Variants in CA10 observed in about 807,000 individuals in gnomAD.
The protein encoded by CA10 is carbonic anhydrase-related protein 10.
In CA10, 14 loss-of-function variants were observed where a neutral mutation model predicts 44.2. The ratio of observed to expected loss-of-function variants is 0.32; its 90% CI spans 0.21 to 0.50. The LOEUF (loss-of-function observed/expected upper bound fraction) is 0.50, where lower values mean the gene tolerates loss of function less well. CA10 is among the 20% of genes least tolerant of loss of function. CA10 has a pLI of 0.99. For synonymous variants in CA10, 159 were observed against 141.6 expected, an observed-to-expected ratio of 1.12 and a Z score of -0.87; for missense variants, 350 against 409.7, an observed-to-expected ratio of 0.85 and a Z score of 1.26.
chr17:51,904,085 C>A (rs1302601562), intron 3 of CA10, among the ~76,000 whole-genome samples: 8 of 151,560 alleles, frequency 5.3e-5, no homozygotes, highest in Non-Finnish European at 1.2e-4. Context: ...GTGACCAACC[C>A]ACCCTGTTTG....
intron 2 of CA10, among the ~76,000 whole-genome samples, chr17:52,056,041 G>C (rs1366345779): frequency 6.6e-6 from 1 of 152,064 alleles, no homozygotes; most frequent in East Asian, 1.9e-4. Context: ...ACATAAAGCA[G>C]GTGACCACTG....
Position 51,921,537 on chromosome 17 carries a change from T to C in CA10, c.279+9453A>G, listed in dbSNP as rs1378706024. Reference sequence around the variant, plus strand: ...AAAACATTTTGATTTTTCATTACTTTCTTCCTCTTCTTCTGTACTTTACTG... The same window carrying C: ...AAAACATTTTGATTTTTCATTACTTCCTTCCTCTTCTTCTGTACTTTACTG... On this transcript the variant is annotated intron_variant, in intron 3 of 8. Coordinates refer to ENST00000451037, the MANE Select transcript of CA10 (RefSeq NM_020178.5). Among the ~76,000 whole-genome samples the C allele has an allele frequency of 6.6e-5, 10 of 152,340 alleles. No homozygotes were observed. The East Asian group carries it at 1.7e-3, about 26-fold the overall frequency.
At chr17:51,656,153 C>T (rs1381869923) in intron 4 of CA10, among the ~76,000 whole-genome samples, 4 of 152,216 alleles carry the variant, frequency 2.6e-5, no homozygotes, top group Admixed American at 2.0e-4. Context: ...AGGTGACCAA[C>T]AAAACTGCCA....
At chr17:52,105,489 TC>T (rs1380478388) in intron 1 of CA10, among the ~76,000 whole-genome samples, 3 of 152,164 alleles carry the variant, frequency 2.0e-5, no homozygotes, top group African/African-American at 7.2e-5. Flanking sequence ...TCTCCTGACC[TC>T]GTGATCTGCC....
chr17:51,699,697 G>A (rs893054203), intron 4 of CA10, among the ~76,000 whole-genome samples: 6 of 152,178 alleles, frequency 3.9e-5, no homozygotes, highest in Admixed American at 3.3e-4. Flanking sequence ...TGCATGTCCC[G>A]ACAGATGGCC....
At chr17:51,876,046 G>C (rs547734715) in intron 3 of CA10, among the ~76,000 whole-genome samples, 2 of 151,016 alleles carry the variant, frequency 1.3e-5, no homozygotes, top group South Asian at 4.2e-4. Context: ...TGGTTTATCT[G>C]TTTAACTATG....
intron 2 of CA10, among the ~76,000 whole-genome samples, chr17:51,978,741 G>A (rs1202784290): frequency 6.6e-6 from 1 of 151,920 alleles, no homozygotes; most frequent in African/African-American, 2.4e-5. Context: ...GCAATGTAAA[G>A]CTATTTGTTG....
In CA10 at chr17:51,906,589, C is replaced by T. The variant is rs1166991173; in HGVS notation, c.279+24401G>A. Among the ~76,000 whole-genome samples, 3 of 152,214 alleles carry T rather than the reference C, an allele frequency of 2.0e-5. No individual in the cohort carries two copies. The East Asian group carries it at 5.8e-4, about 29-fold the overall frequency. ...CATGGCTTTAAATATTTGTTATATG[C>T]CATGGACCAACAAATTTATATCTTC... is the stretch of plus-strand genomic sequence containing the variant. On this transcript the variant is annotated intron_variant, in intron 3 of 8. Transcript: ENST00000451037.
intron 4 of CA10, among the ~76,000 whole-genome samples, chr17:51,681,701 G>A (rs1025622918): frequency 2.6e-5 from 4 of 152,184 alleles, no homozygotes; most frequent in African/African-American, 7.2e-5. Context: ...TTATACAAAT[G>A]TAAGGGGTAC....
intron 1 of CA10, among the ~76,000 whole-genome samples, chr17:52,124,622 T>A (rs1299021777): frequency 6.6e-6 from 1 of 152,252 alleles, no homozygotes; most frequent in Non-Finnish European, 1.5e-5. Context: ...CCTGCTTTTT[T>A]CTCCATGACT....
chr17:51,841,889 A>G (rs1382666400), intron 3 of CA10, among the ~76,000 whole-genome samples: 1 of 152,202 alleles, frequency 6.6e-6, no homozygotes, highest in African/African-American at 2.4e-5. Flanking sequence ...CAGCAGTTCC[A>G]TGCATCATAT....
At chr17:51,684,244 A>G (rs1261928545) in intron 4 of CA10, among the ~76,000 whole-genome samples, 1 of 152,210 alleles carries the variant, frequency 6.6e-6, no homozygotes, top group African/African-American at 2.4e-5. Context: ...ATTCTGCCCT[A>G]CAGCCTCCAG....
At chr17:52,069,034 G>A (rs538375506) in intron 2 of CA10, among the ~76,000 whole-genome samples, 15 of 152,230 alleles carry the variant, frequency 9.9e-5, no homozygotes, top group African/African-American at 3.4e-4. Flanking sequence ...GGCTTCTGGA[G>A]GCAGAACTCC....
intron 3 of CA10, among the ~76,000 whole-genome samples, chr17:51,852,278 G>A (rs1978830973): frequency 1.3e-5 from 2 of 152,210 alleles, no homozygotes; most frequent in African/African-American, 4.8e-5. Context: ...GCTGCACCGA[G>A]TCAGAGGCGA....
rs570175677 is a variant in CA10, at chr17:51,889,963, A to G, written c.279+41027T>C. On this transcript the variant is annotated intron_variant, in intron 3 of 8. Coordinates refer to ENST00000451037, the MANE Select transcript of CA10 (RefSeq NM_020178.5). ...AGTTGGTGTCTCCCAGTTTGCAAGC[A>G]GTCCTGGGGAAGTAGGTTGGCACCG... is the stretch of plus-strand genomic sequence containing the variant. 1.4e-4 allele frequency among the ~76,000 whole-genome samples: 22 copies of G among 152,326 alleles called. No homozygotes were observed. The South Asian group carries it at 3.7e-3, about 26-fold the overall frequency.
chr17:52,092,952 C>T (rs910087612), intron 1 of CA10, among the ~76,000 whole-genome samples: 11 of 152,058 alleles, frequency 7.2e-5, no homozygotes, highest in Non-Finnish European at 2.9e-5. Flanking sequence ...TTCTTAGAAA[C>T]TGGAACTTTA....
chr17:52,055,450 T>C (rs1226580371), intron 2 of CA10, among the ~76,000 whole-genome samples: 2 of 151,736 alleles, frequency 1.3e-5, no homozygotes, highest in Non-Finnish European at 2.9e-5. Flanking sequence ...AGAAATAATC[T>C]AGGCAGTAAA....
intron 1 of CA10, among the ~76,000 whole-genome samples, chr17:52,122,737 A>G (rs1444591660): frequency 1.3e-5 from 2 of 152,200 alleles, no homozygotes; most frequent in East Asian, 3.8e-4. Context: ...GCATTCTTAA[A>G]CAGCTTAAAT....
intron 2 of CA10, among the ~76,000 whole-genome samples, chr17:52,026,760 C>CT (rs1986314611): frequency 6.6e-6 from 1 of 152,010 alleles, no homozygotes; most frequent in South Asian, 2.1e-4. Context: ...GGTAACGACC[C>CT]CTATGATTCA....
Sources: gnomAD v4.1 joint callset for allele counts (sites outside exome capture counted in the v4.1 genomes callset) on GRCh38, gnomAD v4.1.1 for gene constraint, MANE v1.5 for transcripts, NCBI Gene and HGNC (gene_info 2026-07-23, HGNC 2026-07-21) for gene names.